The following ICA1 variants were observed in gnomAD, a reference collection of about 807,000 sequenced individuals.
ICA1 encodes 69 kDa islet cell autoantigen.
In ICA1, 40 loss-of-function variants were observed where a neutral mutation model predicts 71.0. The observed-to-expected ratio is 0.56, with a 90% confidence interval of 0.44 to 0.73. The LOEUF (loss-of-function observed/expected upper bound fraction) is 0.73. Among genes scored for constraint, ICA1 ranks in the 30% least tolerant of loss-of-function variants. The probability of loss-of-function intolerance (pLI) is 0.00; values close to 1 mark genes in which losing one functional copy is unlikely to be tolerated. For missense variants in ICA1, 578 were observed against 576.5 expected (o/e 1.00, Z -0.03); for synonymous variants, 207 against 209.5 (o/e 0.99, Z 0.10).
Position 8,127,975 on chromosome 7 carries a change from T to G in ICA1, c.1228A>C (p.Met410Leu). The part of the protein sequence containing the change: ...DGQVKEPVPT[M>L]ALGEPDPKAQ... ...TTGGGGTCTGGCTCTCCCAGGGCCA[T>G]AGTGGGCACTGGCTCCTTCACTTGG... The change falls in exon 13 of 14, where the codon ATG becomes CTG. Residue 410 changes from methionine (M) to leucine (L), a missense_variant. By Grantham distance (15) the Met-to-Leu change is conservative. Transcript: ENST00000402384. 1 of 1,614,216 alleles carries G rather than the reference T, an allele frequency of 6.2e-7. No homozygotes were observed. Among genetic ancestry groups the G allele is most frequent in the Admixed American group, 1.7e-5 (1 of 60,024 alleles).
intron 6 of ICA1, among the ~76,000 whole-genome samples, chr7:8,197,563 G>C (rs11763151): frequency 0.35 from 38,237 of 108,944 alleles, 10,782 homozygotes; most frequent in African/African-American, 0.76. Context: ...AAAAAAAAAA[G>C]AAGAAAGAAG....
In ICA1 at chr7:8,232,826, T is replaced by G. The variant is rs1356003587; in HGVS notation, c.18-71A>C. 11 of 1,312,968 alleles carry G rather than the reference T, an allele frequency of 8.4e-6. No individual in the cohort carries two copies. The Admixed American group carries it at 2.8e-4, about 34-fold the overall frequency. The allele number at this position is 1,312,968 out of a possible 1,614,324, so 81.3% of individuals were successfully genotyped here. A position where few individuals can be genotyped will look rare whatever the true frequency, so the allele number is the denominator to read the frequency against. ...TTAAGATATTTTAGTGTGAAATGATTTCTTTAAACATGACTTTCCATTATG... is the reference window on the plus strand; with the variant it reads ...TTAAGATATTTTAGTGTGAAATGATGTCTTTAAACATGACTTTCCATTATG... On this transcript the variant is annotated intron_variant, in intron 2 of 13. Transcript: ENST00000402384.
At chr7:8,139,251 T>G (rs1015129691) in intron 10 of ICA1, among the ~76,000 whole-genome samples, 9 of 152,238 alleles carry the variant, frequency 5.9e-5, no homozygotes, top group African/African-American at 2.2e-4. Flanking sequence ...ATCTTTGCTT[T>G]GTTTGGCAGA....
At chr7:8,227,006 A>G (rs1798792521) in intron 4 of ICA1, among the ~76,000 whole-genome samples, 1 of 152,202 alleles carries the variant, frequency 6.6e-6, no homozygotes, top group Admixed American at 6.5e-5. Context: ...GTTACAATAT[A>G]TATTGTTTAA....
At chr7:8,257,648 A>G (rs1356817021) in intron 1 of ICA1, among the ~76,000 whole-genome samples, 1 of 152,088 alleles carries the variant, frequency 6.6e-6, no homozygotes, top group Non-Finnish European at 1.5e-5. Flanking sequence ...TAATTCATGT[A>G]TTTTCTGCTA....
chr7:8,217,394 C>T (rs1795729588), intron 6 of ICA1, among the ~76,000 whole-genome samples: 1 of 152,170 alleles, frequency 6.6e-6, no homozygotes, highest in African/African-American at 2.4e-5. Flanking sequence ...ACACAGCTAA[C>T]CTCCAACGCA....
chr7:8,188,592 A>G (rs186206487), intron 6 of ICA1, among the ~76,000 whole-genome samples: 279 of 152,230 alleles, frequency 1.8e-3, no homozygotes, highest in African/African-American at 6.2e-3. Context: ...CCTAGAAGGG[A>G]TTTTTGGTAG....
intron 13 of ICA1, among the ~76,000 whole-genome samples, chr7:8,116,009 C>A (rs935119766): frequency 2.0e-5 from 3 of 152,176 alleles, no homozygotes; most frequent in African/African-American, 7.2e-5. Flanking sequence ...ATATTTGACT[C>A]ATCCACATTA....
chr7:8,131,497 C>A (rs905462117), intron 12 of ICA1, among the ~76,000 whole-genome samples: 4 of 152,164 alleles, frequency 2.6e-5, no homozygotes, highest in African/African-American at 9.7e-5. Flanking sequence ...ACACTGAGGT[C>A]TACCAATGAA....
chr7:8,211,026 G>A (rs958302569), intron 6 of ICA1, among the ~76,000 whole-genome samples: 4 of 152,192 alleles, frequency 2.6e-5, no homozygotes, highest in Admixed American at 6.5e-5. Flanking sequence ...CCGCTGAATC[G>A]TAGAAGAGGA....
In ICA1 at chr7:8,132,348, C is replaced by T. The variant is rs901954815; in HGVS notation, c.1061-4206G>A. Among the ~76,000 whole-genome samples, 1 of 152,172 alleles carries T rather than the reference C, an allele frequency of 6.6e-6. No homozygotes were observed. Among genetic ancestry groups the T allele is most frequent in the South Asian group, 2.1e-4 (1 of 4,828 alleles). On this transcript the variant is annotated intron_variant, in intron 12 of 13. Transcript: ENST00000402384. The surrounding 1 kb of genome is among the most constrained non-coding windows in gnomAD (Gnocchi z 4.5). The stretch of plus-strand genomic sequence containing the variant: ...GATGTGTGCCTATCTCAACAATAAT[C>T]AGCCTTCACTTGATGTTGCTCTCCA...
In ICA1 at chr7:8,218,473, A is replaced by C. The variant is rs1286319051; in HGVS notation, c.411T>G (p.Phe137Leu). 1 of 1,614,150 alleles carries C rather than the reference A, an allele frequency of 6.2e-7. No individual in the cohort carries two copies. The change falls in exon 6 of 14, where the codon TTT becomes TTG. Residue 137 changes from phenylalanine to leucine, a missense_variant. Physicochemically the swap from Phe to Leu is conservative, Grantham distance 22 (BLOSUM62 0). Coordinates refer to ENST00000402384, the MANE Select transcript of ICA1 (RefSeq NM_001136020.3). ...RLALRNPLCR[F>L]HQEVETFRHR... Reference sequence around the variant, plus strand: ...GCCGAAAAGTCTCCACTTCTTGGTGAAATCGACACAAAGGATTTCGTAAGG... The same window carrying C: ...GCCGAAAAGTCTCCACTTCTTGGTGCAATCGACACAAAGGATTTCGTAAGG...
intron 3 of ICA1, among the ~76,000 whole-genome samples, chr7:8,229,637 A>C (rs1443157806): frequency 6.6e-6 from 1 of 152,256 alleles, no homozygotes; most frequent in East Asian, 1.9e-4. Context: ...ATTTGCGTGA[A>C]CACAGATGAT....
At chr7:8,181,788 C>T (rs1402323186) in intron 6 of ICA1, among the ~76,000 whole-genome samples, 1 of 152,144 alleles carries the variant, frequency 6.6e-6, no homozygotes, top group Non-Finnish European at 1.5e-5. Context: ...GAATAGTATT[C>T]ACATCACCTT....
Position 8,193,891 on chromosome 7 carries a change from C to G in ICA1, c.579+24414G>C, listed in dbSNP as rs75693523. 9.0e-3 allele frequency among the ~76,000 whole-genome samples: 1,377 copies of G among 152,248 alleles called. 27 individuals carry two copies. Among genetic ancestry groups the G allele is most frequent in the East Asian group, 0.075 (387 of 5,182 alleles). The stretch of plus-strand genomic sequence containing the variant: ...GAACAGAGATATTCTAAGAAGGTCA[C>G]AGGAAAGGAGCCTGTGATAGATGGA... On this transcript the variant is annotated intron_variant, in intron 6 of 13. Coordinates refer to ENST00000402384, the MANE Select transcript of ICA1 (RefSeq NM_001136020.3).
intron 6 of ICA1, among the ~76,000 whole-genome samples, chr7:8,214,187 C>T (rs979526287): frequency 1.3e-5 from 2 of 152,098 alleles, no homozygotes; most frequent in African/African-American, 2.4e-5. Context: ...GAATAATTAC[C>T]CTCCATCCCA....
At chr7:8,162,937 T>G (rs1054883473) in intron 6 of ICA1, among the ~76,000 whole-genome samples, 1 of 152,234 alleles carries the variant, frequency 6.6e-6, no homozygotes, top group Non-Finnish European at 1.5e-5. Flanking sequence ...CTAATTTTTG[T>G]ATTTTTAGTA....
At position 8,226,653 on chromosome 7, in the gene ICA1, A is replaced by G. The variant is rs140289257; in HGVS notation, c.256+1948T>C. Among the ~76,000 whole-genome samples the G allele has an allele frequency of 9.0e-3, 1,368 of 152,300 alleles. 16 individuals carry two copies. Among genetic ancestry groups the G allele is most frequent in the African/African-American group, 0.03 (1,232 of 41,554 alleles). ...AAGTTGGGATCTCTTTCAAGTCCACACAGGGCAGAACTCCTCCTTCCTGTC... is the reference window on the plus strand; with the variant it reads ...AAGTTGGGATCTCTTTCAAGTCCACGCAGGGCAGAACTCCTCCTTCCTGTC... On this transcript the variant is annotated intron_variant, in intron 4 of 13. Coordinates refer to ENST00000402384, the MANE Select transcript of ICA1 (RefSeq NM_001136020.3). The surrounding 1 kb of genome is among the most constrained non-coding windows in gnomAD (Gnocchi z 4.4).
intron 1 of ICA1, among the ~76,000 whole-genome samples, chr7:8,257,048 T>C (rs1462290055): frequency 6.6e-6 from 1 of 152,250 alleles, no homozygotes; most frequent in African/African-American, 2.4e-5. Flanking sequence ...TACTCTGCTC[T>C]ACTCTTGGAT....
Sources: allele counts gnomAD v4.1 joint callset (sites outside exome capture counted in the v4.1 genomes callset), GRCh38; gene constraint gnomAD v4.1.1; non-coding constraint Gnocchi (gnomAD v3.1); transcripts MANE v1.5; gene names NCBI Gene and HGNC (gene_info 2026-07-23, HGNC 2026-07-21).